Variants in CPNE4 observed in about 807,000 individuals in gnomAD.
CPNE4 encodes the protein copine-4.
CPNE4 carries 25 observed loss-of-function variants against 67.9 expected under a neutral mutation model. That is an observed-to-expected ratio of 0.37 (90% confidence interval 0.27 to 0.51). The LOEUF (loss-of-function observed/expected upper bound fraction) is 0.51. Ranked by LOEUF, CPNE4 falls within the 20% of genes least tolerant of loss-of-function variation. The pLI is 0.93. For missense variants in CPNE4, 464 were observed against 690.8 expected (o/e 0.67, Z 3.68); for synonymous variants, 242 against 244.9 (o/e 0.99, Z 0.11).
intron 2 of CPNE4, among the ~76,000 whole-genome samples, chr3:131,826,709 T>C (rs1000624265): frequency 1.3e-5 from 2 of 152,300 alleles, no homozygotes; most frequent in East Asian, 1.9e-4. Flanking sequence ...AGAAATCCTC[T>C]TATAGGATTC....
intron 1 of CPNE4, among the ~76,000 whole-genome samples, chr3:131,929,851 A>G (rs530279704): frequency 1.3e-5 from 2 of 152,178 alleles, no homozygotes; most frequent in Non-Finnish European, 2.9e-5. Flanking sequence ...CATTGGTGGT[A>G]TTGGCTGCCT....
intron 10 of CPNE4, among the ~76,000 whole-genome samples, chr3:131,571,341 T>A (rs1031161850): frequency 1.1e-4 from 17 of 152,014 alleles, no homozygotes; most frequent in African/African-American, 4.1e-4. Context: ...ATTTTTCTCT[T>A]GGGACATCTC....
At chr3:131,909,350 T>C (rs1452842778) in intron 1 of CPNE4, among the ~76,000 whole-genome samples, 1 of 152,146 alleles carries the variant, frequency 6.6e-6, no homozygotes, top group Non-Finnish European at 1.5e-5. Flanking sequence ...AAAAGCCCTC[T>C]CTTGGTCCAT....
chr3:131,837,332 G>A (rs527706226), intron 2 of CPNE4, among the ~76,000 whole-genome samples: 1 of 152,200 alleles, frequency 6.6e-6, no homozygotes, highest in Non-Finnish European at 1.5e-5. Flanking sequence ...ATTGTTGGAT[G>A]TCTATATCAT....
chr3:131,791,835 G>A (rs2083731650), intron 2 of CPNE4, among the ~76,000 whole-genome samples: 1 of 152,166 alleles, frequency 6.6e-6, no homozygotes, highest in African/African-American at 2.4e-5. Flanking sequence ...AATTTCTCAT[G>A]ATTCTCTGGG....
intron 1 of CPNE4, among the ~76,000 whole-genome samples, chr3:131,937,205 G>A (rs994904045): frequency 2.0e-5 from 3 of 152,084 alleles, no homozygotes; most frequent in African/African-American, 4.8e-5. Flanking sequence ...CATGTACCAA[G>A]AAATGTATAC....
chr3:131,749,831 A>G (rs1386614529), intron 2 of CPNE4, among the ~76,000 whole-genome samples: 3 of 152,136 alleles, frequency 2.0e-5, no homozygotes, highest in Non-Finnish European at 4.4e-5. Flanking sequence ...CTTTTAACCT[A>G]CAATCTTAAT....
At chr3:131,584,021 C>G (rs1321079367) in intron 8 of CPNE4, among the ~76,000 whole-genome samples, 1 of 151,998 alleles carries the variant, frequency 6.6e-6, no homozygotes, top group East Asian at 1.9e-4. Flanking sequence ...TTTGGCCACC[C>G]CAAACTAAGG....
chr3:131,650,289 C>A (rs1033281048), intron 7 of CPNE4, among the ~76,000 whole-genome samples: 2 of 152,058 alleles, frequency 1.3e-5, no homozygotes, highest in Non-Finnish European at 2.9e-5. Context: ...ATATCTATTG[C>A]TTAGAGAGTT....
intron 2 of CPNE4, among the ~76,000 whole-genome samples, chr3:131,731,334 G>A (rs891949136): frequency 1.3e-5 from 2 of 152,200 alleles, no homozygotes; most frequent in African/African-American, 4.8e-5. Context: ...AATGAAATGA[G>A]TATCCCCCGT....
intron 6 of CPNE4, among the ~76,000 whole-genome samples, chr3:131,677,452 A>G (rs2080609342): frequency 6.6e-6 from 1 of 152,154 alleles, no homozygotes; most frequent in Admixed American, 6.5e-5. Context: ...CCCATTTGTC[A>G]ATTTTTGCTT....
At chr3:131,829,765 T>C (rs947224695) in intron 2 of CPNE4, among the ~76,000 whole-genome samples, 6 of 152,230 alleles carry the variant, frequency 3.9e-5, no homozygotes, top group African/African-American at 1.2e-4. Flanking sequence ...TTGGTTGGAT[T>C]AAGCATCATT....
At chr3:131,696,766 A>C (rs2081167324) in intron 4 of CPNE4, 150 bp from the exon 5 acceptor site, 1 of 665,516 alleles carries the variant, frequency 1.5e-6, no homozygotes. Flanking sequence ...ACTACAGCAC[A>C]GCAATTCTAG....
At chr3:131,650,484 G>T (rs1010567226) in intron 7 of CPNE4, among the ~76,000 whole-genome samples, 3 of 142,136 alleles carry the variant, frequency 2.1e-5, no homozygotes, top group Admixed American at 6.7e-5. Context: ...GCGGCCGGGC[G>T]CGGTGGCTCA....
At chr3:131,790,372 G>T (rs1290024765) in intron 2 of CPNE4, among the ~76,000 whole-genome samples, 3 of 152,030 alleles carry the variant, frequency 2.0e-5, no homozygotes, top group Non-Finnish European at 4.4e-5. Context: ...TTCCCCAGGG[G>T]TGCTTCTTTG....
intron 7 of CPNE4, among the ~76,000 whole-genome samples, chr3:131,602,675 G>A (rs946990917): frequency 6.6e-6 from 1 of 152,140 alleles, no homozygotes; most frequent in Non-Finnish European, 1.5e-5. Context: ...CCATGGTTGT[G>A]TGGACAGAGT....
chr3:131,916,969 A>G (rs2089204170), intron 1 of CPNE4, among the ~76,000 whole-genome samples: 1 of 152,150 alleles, frequency 6.6e-6, no homozygotes, highest in Non-Finnish European at 1.5e-5. Context: ...GAAGTGCTCA[A>G]AAGACTTAAC....
At chr3:132,006,538 C>T (rs2073611010) in intron 1 of CPNE4, among the ~76,000 whole-genome samples, 1 of 152,106 alleles carries the variant, frequency 6.6e-6, no homozygotes, top group African/African-American at 2.4e-5. Flanking sequence ...CAAATCAGGT[C>T]TGCTGCATTC....
chr3:131,572,163 A>G (rs940324498), intron 10 of CPNE4, among the ~76,000 whole-genome samples: 1 of 152,122 alleles, frequency 6.6e-6, no homozygotes, highest in African/African-American at 2.4e-5. Context: ...GCATCTATGG[A>G]AGATACAAAG....
Sources: allele counts gnomAD v4.1 joint callset (sites outside exome capture counted in the v4.1 genomes callset), GRCh38; gene constraint gnomAD v4.1.1; transcripts MANE v1.5; gene names NCBI Gene and HGNC (gene_info 2026-07-23, HGNC 2026-07-21).